Variants in CRACDL observed in about 807,000 individuals in gnomAD.
CRACDL encodes CRACD like.
A neutral mutation model predicts 70.6 loss-of-function variants in CRACDL; 26 were observed. The observed-to-expected ratio is 0.37, with a 90% CI of 0.27 to 0.51. The LOEUF is 0.51. Ranked by LOEUF, CRACDL falls within the 20% of genes least tolerant of loss-of-function variation. The probability of loss-of-function intolerance (pLI) is 0.94; values close to 1 mark genes in which losing one functional copy is unlikely to be tolerated. For missense variants in CRACDL, 1,283 were observed against 1,376.9 expected, an observed-to-expected ratio of 0.93 and a Z score of 1.08; for synonymous variants, 618 against 615.2, an observed-to-expected ratio of 1.00 and a Z score of -0.07.
At chr2:98,857,096 T>C (rs1375807817) in intron 1 of CRACDL, among the ~76,000 whole-genome samples, 1 of 152,190 alleles carries the variant, frequency 6.6e-6, no homozygotes, top group Admixed American at 6.5e-5. Context: ...ATAAATCCTT[T>C]AATGGCATCT....
intron 5 of CRACDL, among the ~76,000 whole-genome samples, chr2:98,830,431 A>G (rs1268470469): frequency 6.6e-6 from 1 of 152,186 alleles, no homozygotes; most frequent in East Asian, 1.9e-4. Context: ...TTGGGGCTTA[A>G]GGCACTATTA....
intron 2 of CRACDL, among the ~76,000 whole-genome samples, chr2:98,844,090 A>G (rs528008062): frequency 6.6e-6 from 1 of 152,246 alleles, no homozygotes; most frequent in Non-Finnish European, 1.5e-5. Context: ...TTGCTACAGA[A>G]TATTGAGCTA....
intron 1 of CRACDL, among the ~76,000 whole-genome samples, chr2:98,920,883 C>G (rs1051231100): frequency 6.6e-6 from 1 of 152,202 alleles, no homozygotes; most frequent in African/African-American, 2.4e-5. Context: ...GCAGCAAATG[C>G]GTGTTGACAA....
At chr2:98,802,998 CTT>C (rs34784675) in intron 7 of CRACDL, among the ~76,000 whole-genome samples, 29 of 128,230 alleles carry the variant, frequency 2.3e-4, no homozygotes, top group East Asian at 1.1e-3. Context: ...ACATGCCTGG[CTT>C]TTTTTTTTTT....
chr2:98,898,958 T>C (rs1708198247), intron 1 of CRACDL, among the ~76,000 whole-genome samples: 1 of 152,194 alleles, frequency 6.6e-6, no homozygotes, highest in Non-Finnish European at 1.5e-5. Flanking sequence ...GGGGTCACAA[T>C]TCACAGCCTC....
chr2:98,847,913 T>C (rs1223130883), intron 1 of CRACDL, among the ~76,000 whole-genome samples: 1 of 152,202 alleles, frequency 6.6e-6, no homozygotes, highest in Non-Finnish European at 1.5e-5. Flanking sequence ...GAGTTGGCTC[T>C]AATATTTCGA....
chr2:98,932,796 G>A (rs114981066), intron 1 of CRACDL, among the ~76,000 whole-genome samples: 5,264 of 152,276 alleles, frequency 0.035, 94 homozygotes, highest in African/African-American at 0.055. Flanking sequence ...CAAGGGCAAA[G>A]CCTGGAAGCT....
rs149622421 is a variant in CRACDL at position 98,823,140 on chromosome 2, G to A, written c.1133C>T (p.Ala378Val). 56,990 of 1,561,420 alleles carry A rather than the reference G, an allele frequency of 0.036. 1,131 individuals are homozygous for A. Among genetic ancestry groups the A allele is most frequent in the Admixed American group, 0.051 (2,723 of 53,860 alleles). ...GTCCGTGGCCGGGGCACACGGGCCT[G>A]CGGGGGGCGCCTCCCCATCCTGCTT... ...GGKQDGEAPP[A>V]GPCAPATDKA... Residue 378 changes from alanine (A) to valine (V), a missense_variant, in exon 7 of 10, where the codon GCA becomes GTA. By Grantham distance (64) the Ala-to-Val change is moderately conservative. Transcript: ENST00000397899. The surrounding 1 kb of genome is among the most constrained non-coding windows in gnomAD (Gnocchi z 4.0).
Position 98,823,443 on chromosome 2 carries a change from C to T in CRACDL, c.830G>A (p.Arg277His), listed in dbSNP as rs777863533. 2.6e-5 allele frequency: 42 copies of T among 1,587,788 alleles called. No homozygotes were observed. Among genetic ancestry groups the T allele is most frequent in the Admixed American group, 1.7e-5 (1 of 58,822 alleles). ...KPLLEVSPEE[R>H]PSSGQQDVAP... ...CACGTCCTGCTGCCCAGAGCTGGGG[C>T]GCTCTTCTGGGCTGACTTCCAAAAG... Residue 277 changes from arginine (R) to histidine (H), a missense_variant, in exon 7 of 10, where the codon CGC (arginine) becomes CAC (histidine). Around this residue, in one of 2 missense-constraint regions of CRACDL, gnomAD observed 362 missense variants for 495.0 expected, o/e 0.73. Transcript: ENST00000397899. This position sits in a 1 kb window ranked among gnomAD's most constrained non-coding sequence, Gnocchi z 4.0.
chr2:98,870,752 G>C (rs1707311827), intron 1 of CRACDL, among the ~76,000 whole-genome samples: 1 of 152,182 alleles, frequency 6.6e-6, no homozygotes, highest in African/African-American at 2.4e-5. Context: ...TGAGCATGCA[G>C]CTTGCCTCTG....
At chr2:98,835,415 C>T (rs149847882) in intron 3 of CRACDL, among the ~76,000 whole-genome samples, 40 of 152,250 alleles carry the variant, frequency 2.6e-4, no homozygotes, top group Middle Eastern at 6.8e-3. Context: ...CCAAATAAAC[C>T]TGAGATTTCT....
At position 98,846,767 on chromosome 2, in the gene CRACDL, G is replaced by A. The variant is rs967032367; in HGVS notation, c.34C>T (p.Arg12Trp). ...ISTRVMDIKL[R>W]EAAEGLGEDS... is the part of the protein sequence containing the mutation. ...TCCCCAAGGCCTTCTGCAGCCTCCC[G>A]AAGCTTAATGTCCATCACCCTTGTG... Residue 12 changes from arginine to tryptophan, a missense_variant, in exon 2 of 10, where the codon CGG becomes TGG. Physicochemically the swap from Arg to Trp is moderately radical, Grantham distance 101. Coordinates refer to ENST00000397899, the MANE Select transcript of CRACDL (RefSeq NM_207362.3). The A allele has an allele frequency of 1.9e-6, 3 of 1,614,056 alleles. No homozygotes were observed. The highest frequency in any genetic ancestry group is 2.5e-6 in the Non-Finnish European group (3 of 1,180,018).
rs370603689 is a variant in CRACDL, at chr2:98,827,140, G to A, written c.570C>T (p.Ser190=). 17 of 1,613,888 alleles carry A rather than the reference G, an allele frequency of 1.1e-5. No individual in the cohort carries two copies. The highest frequency in any genetic ancestry group is 5.3e-5 in the African/African-American group (4 of 74,878). The change falls in exon 6 of 10, where the codon AGC becomes AGT. Residue 190 remains serine, a synonymous_variant. Coordinates refer to ENST00000397899, the MANE Select transcript of CRACDL (RefSeq NM_207362.3). The part of the protein sequence containing the change: ...KVSVVSPDHV[S]DSTVSARISD... The stretch of plus-strand genomic sequence containing the variant: ...AGATCCGGGCAGAGACGGTGCTGTC[G>A]CTCACGTGGTCTGGAGACACGACAG...
chr2:98,835,154 A>G (rs1455019833), intron 3 of CRACDL, among the ~76,000 whole-genome samples: 2 of 152,256 alleles, frequency 1.3e-5, no homozygotes, highest in Admixed American at 1.3e-4. Flanking sequence ...ACAAAGAATT[A>G]AAGAAGTAAA....
intron 2 of CRACDL, among the ~76,000 whole-genome samples, chr2:98,845,785 T>A (rs752741090): frequency 6.6e-6 from 1 of 152,090 alleles, no homozygotes; most frequent in Non-Finnish European, 1.5e-5. Context: ...GAAACTCAAT[T>A]TTTTTTCAGG....
At chr2:98,858,264 G>A (rs1449358123) in intron 1 of CRACDL, among the ~76,000 whole-genome samples, 4 of 152,098 alleles carry the variant, frequency 2.6e-5, no homozygotes, top group African/African-American at 7.2e-5. Context: ...AACACTGTCT[G>A]TAATCCCAAC....
In CRACDL at chr2:98,823,698, A is replaced by T. The variant is rs542792989; in HGVS notation, c.736-161T>A. 1.1e-3 allele frequency among the ~76,000 whole-genome samples: 169 copies of T among 152,284 alleles called. 1 individual carries two copies. Among genetic ancestry groups the T allele is most frequent in the Non-Finnish European group, 2.0e-3 (133 of 68,026 alleles). ...CCACGGGTGTCTTTTCTCAGTCTGT[A>T]TCCTACTGGTCTACTTGGGCTCACA... On this transcript the variant is annotated intron_variant, in intron 6 of 9. Transcript: ENST00000397899. This position sits in a 1 kb window ranked among gnomAD's most constrained non-coding sequence, Gnocchi z 4.0.
At chr2:98,810,053 C>T (rs1282480488) in intron 7 of CRACDL, among the ~76,000 whole-genome samples, 1 of 152,188 alleles carries the variant, frequency 6.6e-6, no homozygotes, top group Non-Finnish European at 1.5e-5. Flanking sequence ...TCCCTCATCC[C>T]AGCACCTGGT....
chr2:98,876,169 G>A (rs1707484279), intron 1 of CRACDL, among the ~76,000 whole-genome samples: 1 of 152,210 alleles, frequency 6.6e-6, no homozygotes, highest in African/African-American at 2.4e-5. Context: ...TAGTATGTCT[G>A]AATTTGTTTG....
Sources: allele counts gnomAD v4.1 joint callset (sites outside exome capture counted in the v4.1 genomes callset), GRCh38; gene constraint gnomAD v4.1.1; regional missense constraint gnomAD v4.1.1; non-coding constraint Gnocchi (gnomAD v3.1); transcripts MANE v1.5; gene names NCBI Gene and HGNC (gene_info 2026-07-23, HGNC 2026-07-21).